Variants in MBTPS1 observed in about 807,000 individuals in gnomAD.
The protein encoded by MBTPS1 is membrane-bound transcription factor site-1 protease.
Under a neutral mutation model 127.8 loss-of-function variants are expected in MBTPS1, and 94 were observed. The ratio of observed to expected loss-of-function variants is 0.74; its 90% confidence interval spans 0.62 to 0.87. The LOEUF (loss-of-function observed/expected upper bound fraction) is 0.87. MBTPS1 is among the 40% of genes least tolerant of loss of function. The pLI, the probability that MBTPS1 is intolerant of heterozygous loss-of-function variation, is 0.00. For missense variants in MBTPS1, 1,636 were observed against 1,353.2 expected, an observed-to-expected ratio of 1.21 and a Z score of -3.28; for synonymous variants, 632 against 509.4, an observed-to-expected ratio of 1.24 and a Z score of -3.24.
At chr16:84,099,617 C>G (rs1371304291) in intron 2 of MBTPS1, among the ~76,000 whole-genome samples, 1 of 151,950 alleles carries the variant, frequency 6.6e-6, no homozygotes, top group African/African-American at 2.4e-5. Context: ...AACCCCATCT[C>G]TACTAAAAAT....
At chr16:84,068,045 T>C (rs1434239080) in intron 15 of MBTPS1, among the ~76,000 whole-genome samples, 5 of 152,228 alleles carry the variant, frequency 3.3e-5, no homozygotes, top group Admixed American at 2.6e-4. Flanking sequence ...GTGCTCAGGA[T>C]AAAGATTTTC....
chr16:84,113,724 T>C (rs1307693885), intron 1 of MBTPS1, among the ~76,000 whole-genome samples: 1 of 152,244 alleles, frequency 6.6e-6, no homozygotes, highest in Non-Finnish European at 1.5e-5. Context: ...CCGACAATCA[T>C]CTAATTATGC....
chr16:84,074,693 G>A lies in MBTPS1; in HGVS notation c.1497C>T (p.Pro499=). The A allele has an allele frequency of 6.2e-7, 1 of 1,614,108 alleles. No individual in the cohort carries two copies. Among genetic ancestry groups the A allele is most frequent in the Non-Finnish European group, 8.5e-7 (1 of 1,179,958 alleles). ...IDLTECPYMW[P]YCSQPIYYGG... is the part of the protein sequence containing the mutation. The stretch of plus-strand genomic sequence containing the variant: ...CATAGTAGATGGGCTGGGAGCAGTA[G>A]GGCCACATGTAGGGACACTCAGTCA... The change falls in exon 12 of 23, where the codon CCC becomes CCT. Residue 499 remains proline (P), a synonymous_variant. Coordinates refer to ENST00000343411, the MANE Select transcript of MBTPS1 (RefSeq NM_003791.4).
In MBTPS1 at chr16:84,109,033, T is replaced by G. The variant is rs796784025; in HGVS notation, c.-324-6926A>C. ...GTGCTACACACATTTCCTAGCTATC[T>G]CCAAAAGGGTGTGGCAGCAGTGAAA... On this transcript the variant is annotated intron_variant, in intron 1 of 22. Coordinates refer to ENST00000343411, the MANE Select transcript of MBTPS1 (RefSeq NM_003791.4). 8.5e-5 allele frequency among the ~76,000 whole-genome samples: 13 copies of G among 152,326 alleles called. 1 individual carries two copies. The highest frequency in any genetic ancestry group is 2.9e-4 in the African/African-American group (12 of 41,574).
intron 3 of MBTPS1, among the ~76,000 whole-genome samples, chr16:84,097,069 A>G (rs748992504): frequency 1.3e-5 from 2 of 152,226 alleles, no homozygotes; most frequent in Non-Finnish European, 2.9e-5. Context: ...AAAATTGCCA[A>G]AAGGGACACA....
intron 1 of MBTPS1, among the ~76,000 whole-genome samples, chr16:84,106,984 G>A (rs12926279): frequency 0.23 from 35,494 of 152,100 alleles, 5,033 homozygotes; most frequent in East Asian, 0.38. Flanking sequence ...GGGGAAGACA[G>A]CAGGAAAGCT....
chr16:84,097,558 G>A (rs2086193476), intron 3 of MBTPS1, among the ~76,000 whole-genome samples: 1 of 152,164 alleles, frequency 6.6e-6, no homozygotes, highest in Non-Finnish European at 1.5e-5. Context: ...GAGAGTCTAG[G>A]ATTCTTGTGC....
intron 2 of MBTPS1, among the ~76,000 whole-genome samples, 192 bp downstream of exon 2, chr16:84,101,429 T>C (rs1326492637): frequency 6.6e-6 from 1 of 151,156 alleles, no homozygotes; most frequent in Non-Finnish European, 1.5e-5. Context: ...AGGTGGAGGT[T>C]ACAGTGAGCC....
At chr16:84,072,050 T>A (rs1453139006) in intron 12 of MBTPS1, 1 of 152,230 alleles carries the variant, frequency 6.6e-6, no homozygotes, top group African/African-American at 2.4e-5. Flanking sequence ...CTGAAAGATG[T>A]ACCACCTAGA....
At chr16:84,063,539 AT>A in intron 18 of MBTPS1, 94 bp from the exon 19 acceptor site, 1 of 1,231,076 alleles carries the variant, frequency 8.1e-7, no homozygotes. Context: ...AATAAACCAC[AT>A]TTACAAAATC....
At position 84,093,740 on chromosome 16, in the gene MBTPS1, T is replaced by C. The variant is rs748855571; in HGVS notation, c.707A>G (p.Asn236Ser). 2.7e-5 allele frequency: 44 copies of C among 1,614,006 alleles called. No individual in the cohort carries two copies. The highest frequency in any genetic ancestry group is 3.4e-5 in the Non-Finnish European group (40 of 1,179,976). Residue 236 changes from asparagine to serine, a missense_variant, in exon 5 of 23, where the codon AAC (asparagine) becomes AGC (serine). Physicochemically the swap from Asn to Ser is conservative, Grantham distance 46 (BLOSUM62 1). Transcript: ENST00000343411. ...GTCCAGCGTTCGCTCGTTGGTCCAG[T>C]TGGTTCTCTCCTTCACATTTTTGAA... is the stretch of plus-strand genomic sequence containing the variant. ...PHFKNVKERTNWTNERTLDDG... is the reference protein window; with the variant it reads ...PHFKNVKERTSWTNERTLDDG...
intron 9 of MBTPS1, chr16:84,085,924 G>A (rs2086016067): frequency 6.6e-6 from 1 of 152,166 alleles, no homozygotes; most frequent in Admixed American, 6.5e-5. Context: ...TCAAACGGTT[G>A]TAAAAGAGGA....
intron 9 of MBTPS1, chr16:84,086,503 G>C (rs2086028553): frequency 6.6e-6 from 1 of 152,614 alleles, no homozygotes; most frequent in Non-Finnish European, 1.5e-5. Context: ...GAGTGTGGGA[G>C]GCGGGGACCC....
chr16:84,069,826 G>A lies in MBTPS1; in HGVS notation c.1955+40C>T, dbSNP rs182619106. 4.2e-5 allele frequency: 66 copies of A among 1,559,186 alleles called. No individual in the cohort carries two copies. In the East Asian group the frequency reaches 1.1e-3, roughly 26 times the overall value. ...GAACAGTGGTGCCTCCTCCCACCAC[G>A]GAGGCTGGGGAGGTGAAGTGCATCC... On this transcript the variant is annotated intron_variant, in intron 14 of 22. Transcript: ENST00000343411.
intron 1 of MBTPS1, among the ~76,000 whole-genome samples, chr16:84,104,500 A>C (rs748116007): frequency 6.6e-6 from 1 of 152,124 alleles, no homozygotes; most frequent in Non-Finnish European, 1.5e-5. Context: ...AAAGCCTCTT[A>C]AAACTTTTCT....
chr16:84,060,274 A>G (rs2085589580), intron 20 of MBTPS1: 1 of 157,898 alleles, frequency 6.3e-6, no homozygotes, highest in Admixed American at 6.3e-5. Flanking sequence ...TTTTCACAGG[A>G]TTACTGAGAG....
rs748609517 is a variant in MBTPS1, at chr16:84,070,042, A to G, written c.1783-4T>C. The G allele has an allele frequency of 6.4e-7, 1 of 1,552,066 alleles. No individual in the cohort carries two copies. The highest frequency in any genetic ancestry group is 8.6e-7 in the Non-Finnish European group (1 of 1,156,408). On this transcript the variant is annotated splice_region_variant and splice_polypyrimidine_tract_variant and intron_variant, in intron 13 of 22. Transcript: ENST00000343411. ...TCTGTTCTGCACCATTTTTTGACTAAAAAAAAAGAAAAGAAACTTGAAACG... is the reference window on the plus strand; with the variant it reads ...TCTGTTCTGCACCATTTTTTGACTAGAAAAAAAGAAAAGAAACTTGAAACG...
intron 10 of MBTPS1, among the ~76,000 whole-genome samples, chr16:84,082,512 AAC>A (rs2085956490): frequency 6.6e-6 from 1 of 152,222 alleles, no homozygotes; most frequent in African/African-American, 2.4e-5. Context: ...AACAAGCTTT[AAC>A]ACACAGTGTG....
intron 14 of MBTPS1, 123 bp from the exon 15 acceptor site, chr16:84,068,577 C>G: frequency 1.5e-6 from 1 of 667,808 alleles, no homozygotes. Context: ...GCCTGGATGG[C>G]TGGCCCACTG....
Sources: gnomAD v4.1 joint callset for allele counts (sites outside exome capture counted in the v4.1 genomes callset) on GRCh38, gnomAD v4.1.1 for gene constraint, MANE v1.5 for transcripts, NCBI Gene and HGNC (gene_info 2026-07-23, HGNC 2026-07-21) for gene names.